Variants in STAT3 observed in about 807,000 individuals in gnomAD.
STAT3 encodes DNA-binding protein APRF.
A neutral mutation model predicts 114.3 loss-of-function variants in STAT3; 7 were observed. The observed-to-expected ratio is 0.06, with a 90% CI of 0.03 to 0.11. The LOEUF (loss-of-function observed/expected upper bound fraction) is 0.11. Among genes scored for constraint, STAT3 ranks in the 10% least tolerant of loss-of-function variants. STAT3 has a pLI of 1.00. For missense variants in STAT3, 364 were observed against 960.9 expected (o/e 0.38, Z 8.21); for synonymous variants, 331 against 354.5 (o/e 0.93, Z 0.74).
At position 42,323,378 on chromosome 17, in the gene STAT3, G is replaced by A. The variant is rs745924765; in HGVS notation, c.1654-24C>T. 3.7e-6 allele frequency: 6 copies of A among 1,613,054 alleles called. No individual in the cohort carries two copies. In the Admixed American group the frequency reaches 1.0e-4, roughly 27 times the overall value. ...TCCTGGAGAAAAGAGTAATGGGAAA[G>A]CCAAGTCTACTGCCATCCCAGCCCT... On this transcript the variant is annotated intron_variant, in intron 18 of 23. Transcript: ENST00000264657.
intron 1 of STAT3, among the ~76,000 whole-genome samples, chr17:42,373,741 C>T (rs1194872573): frequency 2.0e-5 from 3 of 151,738 alleles, no homozygotes; most frequent in Middle Eastern, 3.4e-3. Flanking sequence ...AAAAATTAGC[C>T]GGGCATCGTG....
In STAT3 at chr17:42,333,718, C is replaced by T. The variant is rs776115471; in HGVS notation, c.1004G>A (p.Arg335Gln). The T allele has an allele frequency of 3.7e-6, 6 of 1,614,092 alleles. No homozygotes were observed. Among genetic ancestry groups the T allele is most frequent in the Non-Finnish European group, 4.2e-6 (5 of 1,180,026 alleles). Residue 335 changes from arginine (R) to glutamine (Q), a missense_variant, in exon 10 of 24, where the codon CGG becomes CAG. Around this residue, in one of 5 missense-constraint regions of STAT3, gnomAD observed 294 missense variants for 745.1 expected, o/e 0.39. Coordinates refer to ENST00000264657, the MANE Select transcript of STAT3 (RefSeq NM_139276.3). The surrounding 1 kb of genome is among the most constrained non-coding windows in gnomAD (Gnocchi z 5.2). ...GACGCCGGTCTTGATGACGAGGGGC[C>T]GGTCAGGATGCATGGGCATGCAGGG... Reference protein sequence around the residue: ...RQPCMPMHPDRPLVIKTGVQF... With the variant: ...RQPCMPMHPDQPLVIKTGVQF...
chr17:42,354,018 T>C (rs761749776), intron 1 of STAT3, among the ~76,000 whole-genome samples: 22 of 152,148 alleles, frequency 1.4e-4, no homozygotes, highest in Non-Finnish European at 2.6e-4. Context: ...GCATGAATAT[T>C]TGCATTTTCA....
chr17:42,336,697 T>C (rs537782984), intron 8 of STAT3, among the ~76,000 whole-genome samples: 4 of 149,540 alleles, frequency 2.7e-5, no homozygotes, highest in Admixed American at 2.0e-4. Context: ...GATGTCTAGA[T>C]TGAGCATCAA....
At chr17:42,384,786 G>C (rs62075782) in intron 1 of STAT3, among the ~76,000 whole-genome samples, 25,846 of 151,716 alleles carry the variant, frequency 0.17, 2,862 homozygotes, top group Non-Finnish European at 0.24. Flanking sequence ...AAACTCCTGG[G>C]CTCAAGCAAT....
In STAT3 at chr17:42,388,410, G is replaced by A. The variant is rs2085233795; in HGVS notation, c.-155C>T. ...GCGCCAAGCCGGGGTGCCTGTCCAG[G>A]ATCCGGTTGGGGCTTGTTCCCTCGG... On this transcript the variant is annotated 5_prime_UTR_variant, in exon 1 of 24. Coordinates refer to ENST00000264657, the MANE Select transcript of STAT3 (RefSeq NM_139276.3). 2 of 1,231,614 alleles carry A rather than the reference G, an allele frequency of 1.6e-6. No homozygotes were observed. Among genetic ancestry groups the A allele is most frequent in the Admixed American group, 4.2e-5 (1 of 23,708 alleles). 76.3% of individuals were successfully genotyped at this position (1,231,614 alleles called of 1,614,324 possible).
At chr17:42,353,987 A>G (rs1317034062) in intron 1 of STAT3, among the ~76,000 whole-genome samples, 1 of 152,170 alleles carries the variant, frequency 6.6e-6, no homozygotes, top group Non-Finnish European at 1.5e-5. Context: ...CTGCTCCATC[A>G]TAGATTAACA....
At chr17:42,365,618 G>C (rs942596908) in intron 1 of STAT3, among the ~76,000 whole-genome samples, 7 of 151,352 alleles carry the variant, frequency 4.6e-5, no homozygotes, top group African/African-American at 1.5e-4. Context: ...TAATTTTAAA[G>C]GAAGAGGCTT....
At chr17:42,366,684 A>G (rs1429506044) in intron 1 of STAT3, among the ~76,000 whole-genome samples, 2 of 150,926 alleles carry the variant, frequency 1.3e-5, no homozygotes, top group African/African-American at 2.4e-5. Flanking sequence ...AAAAAAAAAA[A>G]AAAAAAAAAA....
intron 21 of STAT3, among the ~76,000 whole-genome samples, chr17:42,319,520 C>T (rs949253196): frequency 2.7e-5 from 3 of 112,112 alleles, no homozygotes; most frequent in African/African-American, 3.5e-5. Flanking sequence ...CCAGTCTGGA[C>T]GATAGAGCGA....
intron 1 of STAT3, among the ~76,000 whole-genome samples, chr17:42,365,079 C>G (rs1343163325): frequency 6.6e-6 from 1 of 152,152 alleles, no homozygotes; most frequent in East Asian, 1.9e-4. Context: ...TCTCATTATG[C>G]CCCACTCTCT....
intron 4 of STAT3, among the ~76,000 whole-genome samples, chr17:42,340,216 C>A (rs1034143931): frequency 6.6e-6 from 1 of 151,686 alleles, no homozygotes; most frequent in African/African-American, 2.4e-5. Flanking sequence ...GTTAGCTGAG[C>A]TTGGTGGTGC....
At chr17:42,342,124 GCA>G in intron 4 of STAT3, among the ~76,000 whole-genome samples, 1 of 152,202 alleles carries the variant, frequency 6.6e-6, no homozygotes, top group South Asian at 2.1e-4. Context: ...GGGCTACAGG[GCA>G]CTGCACAGTA....
chr17:42,361,153 T>C (rs752359425), intron 1 of STAT3, among the ~76,000 whole-genome samples: 1 of 152,050 alleles, frequency 6.6e-6, no homozygotes, highest in South Asian at 2.1e-4. Flanking sequence ...CAGTGCCAAA[T>C]TGGAACCTCT....
chr17:42,323,511 C>A lies in STAT3; in HGVS notation c.1653+62G>T. The A allele has an allele frequency of 1.9e-6, 3 of 1,597,918 alleles. No homozygotes were observed. The South Asian group carries it at 3.3e-5, about 18-fold the overall frequency. On this transcript the variant is annotated intron_variant, in intron 18 of 23. Coordinates refer to ENST00000264657, the MANE Select transcript of STAT3 (RefSeq NM_139276.3). ...AGTTCAGGGCCTTCAAGCCAGAGCCCTCAACGACAGCCGTGCAGGTGAGCA... is the reference window on the plus strand; with the variant it reads ...AGTTCAGGGCCTTCAAGCCAGAGCCATCAACGACAGCCGTGCAGGTGAGCA...
intron 1 of STAT3, among the ~76,000 whole-genome samples, chr17:42,356,681 T>A (rs1242215287): frequency 6.6e-6 from 1 of 152,162 alleles, no homozygotes; most frequent in East Asian, 1.9e-4. Context: ...CTGCCCAAGC[T>A]GGTCTCAAAC....
rs947547118 is a variant in STAT3 at position 42,314,569 on chromosome 17, G to T, written c.*1176C>A. 1 of 232,782 alleles carries T rather than the reference G, an allele frequency of 4.3e-6. No homozygotes were observed. The highest frequency in any genetic ancestry group is 8.5e-6 in the Non-Finnish European group (1 of 117,454). The allele number at this position is 232,782 out of a possible 1,614,324, so 14.4% of individuals were successfully genotyped here. A position where few individuals can be genotyped will look rare whatever the true frequency, so the allele number is the denominator to read the frequency against. ...AAACAACCTAGCCTCTGAAACAGCA[G>T]ATCAAGTCCAGGGAGAAAGGGAGTC... On this transcript the variant is annotated 3_prime_UTR_variant, in exon 24 of 24. Coordinates refer to ENST00000264657, the MANE Select transcript of STAT3 (RefSeq NM_139276.3).
chr17:42,325,894 G>C (rs2144727388), intron 15 of STAT3, among the ~76,000 whole-genome samples: 1 of 152,302 alleles, frequency 6.6e-6, no homozygotes, highest in Admixed American at 6.5e-5. Flanking sequence ...TTCATATCAA[G>C]TTTGCTGAAA....
chr17:42,324,631 A>G lies in STAT3; in HGVS notation c.1600+80T>C. 1 of 1,502,632 alleles carries G rather than the reference A, an allele frequency of 6.7e-7. No homozygotes were observed. The highest frequency in any genetic ancestry group is 1.5e-5 in the African/African-American group (1 of 64,734). The allele number at this position is 1,502,632 out of a possible 1,614,324, so 93.1% of individuals were successfully genotyped here. On this transcript the variant is annotated intron_variant, in intron 17 of 23. Coordinates refer to ENST00000264657, the MANE Select transcript of STAT3 (RefSeq NM_139276.3). This position sits in a 1 kb window ranked among gnomAD's most constrained non-coding sequence, Gnocchi z 4.5. ...AAACATGGCCTAATGCTCAGTAGACATGGCCCAAATGAACAGCCCTATGGG... is the reference window on the plus strand; with the variant it reads ...AAACATGGCCTAATGCTCAGTAGACGTGGCCCAAATGAACAGCCCTATGGG...
Sources: allele counts gnomAD v4.1 joint callset (sites outside exome capture counted in the v4.1 genomes callset), GRCh38; gene constraint gnomAD v4.1.1; regional missense constraint gnomAD v4.1.1; non-coding constraint Gnocchi (gnomAD v3.1); transcripts MANE v1.5; gene names NCBI Gene and HGNC (gene_info 2026-07-23, HGNC 2026-07-21).